The following SLC24A4 variants were observed in gnomAD, a reference collection of about 807,000 sequenced individuals.
SLC24A4 encodes the protein solute carrier family 24 member 4.
SLC24A4 carries 53 observed loss-of-function variants against 79.0 expected under a neutral mutation model. The observed-to-expected ratio is 0.67, with a 90% CI of 0.54 to 0.84. The LOEUF (loss-of-function observed/expected upper bound fraction) is 0.84, where lower values mean the gene tolerates loss of function less well. Ranked by LOEUF, SLC24A4 falls within the 40% of genes least tolerant of loss-of-function variation. The pLI is 0.00. For missense variants in SLC24A4, 731 were observed against 822.0 expected, an observed-to-expected ratio of 0.89 and a Z score of 1.35; for synonymous variants, 323 against 323.8, an observed-to-expected ratio of 1.00 and a Z score of 0.03.
At chr14:92,329,453 A>G (rs188893602) in intron 2 of SLC24A4, among the ~76,000 whole-genome samples, 4 of 152,076 alleles carry the variant, frequency 2.6e-5, no homozygotes, top group African/African-American at 9.7e-5. Context: ...TTTTGATCTC[A>G]TTATCTGAGT....
chr14:92,411,846 C>T (rs1890735326), intron 2 of SLC24A4, among the ~76,000 whole-genome samples: 1 of 152,144 alleles, frequency 6.6e-6, no homozygotes, highest in South Asian at 2.1e-4. Context: ...GGAACTGGGT[C>T]ACACATGATT....
intron 7 of SLC24A4, among the ~76,000 whole-genome samples, 159 bp downstream of exon 7, chr14:92,443,633 C>G (rs948392410): frequency 6.6e-5 from 10 of 152,176 alleles, no homozygotes; most frequent in African/African-American, 2.2e-4. Context: ...TGACCAGCGC[C>G]CCGACCCCCA....
intron 12 of SLC24A4, among the ~76,000 whole-genome samples, chr14:92,461,597 C>G (rs1247962051): frequency 6.6e-6 from 1 of 152,110 alleles, no homozygotes; most frequent in East Asian, 1.9e-4. Flanking sequence ...TCCTCTTCTT[C>G]TGAGGCCACT....
At position 92,493,655 on chromosome 14, in the gene SLC24A4, A is replaced by G; in HGVS notation, c.*27A>G. On this transcript the variant is annotated 3_prime_UTR_variant, in exon 17 of 17. Coordinates refer to ENST00000532405, the MANE Select transcript of SLC24A4 (RefSeq NM_153646.4). ...GCTGAGTCGCGGCCCCTGGGAGCTG[A>G]TCTGGACACCCTGTGACACTGGCGT... 2 of 1,612,462 alleles carry G rather than the reference A, an allele frequency of 1.2e-6. No individual in the cohort carries two copies. The highest frequency in any genetic ancestry group is 1.7e-6 in the Non-Finnish European group (2 of 1,179,150).
chr14:92,481,523 A>G (rs545893917), intron 12 of SLC24A4, among the ~76,000 whole-genome samples: 1 of 152,350 alleles, frequency 6.6e-6, no homozygotes, highest in African/African-American at 2.4e-5. Context: ...TTCTGTGGGA[A>G]TGAACTTGGG....
chr14:92,360,211 T>C (rs977627891), intron 2 of SLC24A4, among the ~76,000 whole-genome samples: 3 of 152,232 alleles, frequency 2.0e-5, no homozygotes, highest in Non-Finnish European at 2.9e-5. Flanking sequence ...CATGAGCCAC[T>C]GCGCCTAGCC....
intron 8 of SLC24A4, among the ~76,000 whole-genome samples, chr14:92,446,290 G>T (rs1027459076): frequency 6.6e-6 from 1 of 152,066 alleles, no homozygotes; most frequent in African/African-American, 2.4e-5. Context: ...GGGACTACAG[G>T]TGCATGCCAC....
At chr14:92,485,666 T>TA (rs796811214) in intron 13 of SLC24A4, among the ~76,000 whole-genome samples, 2,253 of 144,912 alleles carry the variant, frequency 0.016, 43 homozygotes, top group African/African-American at 0.053. Flanking sequence ...ACATTACAAG[T>TA]AAAAAAAAAA....
intron 2 of SLC24A4, among the ~76,000 whole-genome samples, chr14:92,389,798 C>T (rs1480657283): frequency 1.3e-5 from 2 of 152,182 alleles, no homozygotes. Context: ...CCCAGGGGCC[C>T]GCCTGGCCTC....
intron 2 of SLC24A4, among the ~76,000 whole-genome samples, chr14:92,355,087 AAAC>A (rs1157887703): frequency 2.0e-5 from 3 of 152,082 alleles, no homozygotes; most frequent in East Asian, 3.8e-4. Context: ...AAAACAAAAC[AAAC>A]AACAACAACA....
In SLC24A4 at chr14:92,323,562, C is replaced by A. The variant is rs112684504; in HGVS notation, c.-269C>A. 4.8e-5 allele frequency: 13 copies of A among 269,878 alleles called. No homozygotes were observed. The highest frequency in any genetic ancestry group is 2.9e-4 in the African/African-American group (13 of 44,760). The allele number at this position is 269,878 out of a possible 1,614,324, so 16.7% of individuals were successfully genotyped here. A position where few individuals can be genotyped will look rare whatever the true frequency, so the allele number is the denominator to read the frequency against. ...AGCCCGGGCCGCCAGCGCCACCGTG[C>A]CGGCGTCGCCTCCTCGCCACGGAGC... On this transcript the variant is annotated 5_prime_UTR_variant, in exon 1 of 17. Coordinates refer to ENST00000532405, the MANE Select transcript of SLC24A4 (RefSeq NM_153646.4). This position sits in a 1 kb window ranked among gnomAD's most constrained non-coding sequence, Gnocchi z 4.9.
chr14:92,328,944 C>A (rs1885311206), intron 2 of SLC24A4, among the ~76,000 whole-genome samples: 1 of 152,248 alleles, frequency 6.6e-6, no homozygotes, highest in Non-Finnish European at 1.5e-5. Context: ...TCACCCTGGG[C>A]TCCCATCCTG....
intron 2 of SLC24A4, among the ~76,000 whole-genome samples, chr14:92,418,298 C>A (rs911821707): frequency 6.6e-6 from 1 of 152,160 alleles, no homozygotes; most frequent in Non-Finnish European, 1.5e-5. Context: ...TGAGGCTCCT[C>A]CTTGAACTCT....
intron 2 of SLC24A4, among the ~76,000 whole-genome samples, chr14:92,416,327 T>C (rs1237557692): frequency 1.3e-5 from 2 of 152,144 alleles, no homozygotes; most frequent in Non-Finnish European, 2.9e-5. Flanking sequence ...CTCTGTGTGC[T>C]CTACCCCAAG....
At chr14:92,423,842 A>T (rs890506766) in intron 2 of SLC24A4, among the ~76,000 whole-genome samples, 1 of 152,190 alleles carries the variant, frequency 6.6e-6, no homozygotes, top group Non-Finnish European at 1.5e-5. Context: ...GGTTTAGGGA[A>T]TGTTTTGCCT....
At chr14:92,485,412 C>T (rs968352981) in intron 13 of SLC24A4, among the ~76,000 whole-genome samples, 1 of 152,026 alleles carries the variant, frequency 6.6e-6, no homozygotes, top group Non-Finnish European at 1.5e-5. Context: ...CCACAGTGAG[C>T]CATGGTCAAT....
intron 2 of SLC24A4, among the ~76,000 whole-genome samples, chr14:92,404,068 T>C (rs2086693350): frequency 6.6e-6 from 1 of 152,188 alleles, no homozygotes; most frequent in Non-Finnish European, 1.5e-5. Context: ...ATTTACAGAC[T>C]GTGTTAGAAA....
intron 2 of SLC24A4, among the ~76,000 whole-genome samples, chr14:92,371,507 T>G (rs1257481321): frequency 1.3e-5 from 2 of 152,210 alleles, no homozygotes; most frequent in East Asian, 1.9e-4. Flanking sequence ...GAGATTCCAC[T>G]CTATACAGAT....
intron 2 of SLC24A4, among the ~76,000 whole-genome samples, chr14:92,430,161 T>G (rs960255069): frequency 4.6e-5 from 7 of 152,188 alleles, no homozygotes; most frequent in Non-Finnish European, 1.0e-4. Context: ...TAACTTTGCC[T>G]TTCCCCAAAA....
Sources: allele counts gnomAD v4.1 joint callset (sites outside exome capture counted in the v4.1 genomes callset), GRCh38; gene constraint gnomAD v4.1.1; non-coding constraint Gnocchi (gnomAD v3.1); transcripts MANE v1.5; gene names NCBI Gene and HGNC (gene_info 2026-07-23, HGNC 2026-07-21).